Variants in RAPGEF6 observed in about 807,000 individuals in gnomAD.
RAPGEF6 encodes the protein Rap guanine nucleotide exchange factor 6, also known as PDZ domain containing guanine nucleotide exchange factor (GEF) 2.
A neutral mutation model predicts 171.4 loss-of-function variants in RAPGEF6; 56 were observed. The observed-to-expected ratio is 0.33, with a 90% confidence interval of 0.26 to 0.41. RAPGEF6 has a LOEUF of 0.41. RAPGEF6 is among the 10% of genes least tolerant of loss of function. The pLI is 1.00. For missense variants in RAPGEF6, 1,674 were observed against 1,921.4 expected (o/e 0.87, Z 2.41); for synonymous variants, 692 against 650.1 (o/e 1.06, Z -0.98).
chr5:131,432,550 G>A (rs1447914988), intron 25 of RAPGEF6, among the ~76,000 whole-genome samples: 7 of 152,084 alleles, frequency 4.6e-5, no homozygotes, highest in Admixed American at 1.3e-4. Flanking sequence ...CCCAGGAGGC[G>A]GAGCTTGCAG....
At chr5:131,522,844 G>A (rs1758591455) in intron 6 of RAPGEF6, among the ~76,000 whole-genome samples, 1 of 152,156 alleles carries the variant, frequency 6.6e-6, no homozygotes, top group South Asian at 2.1e-4. Flanking sequence ...ACCCTGGAGA[G>A]TAAATTAGAC....
chr5:131,447,453 A>T (rs2149817529), intron 21 of RAPGEF6: 1 of 152,284 alleles, frequency 6.6e-6, no homozygotes, highest in East Asian at 1.9e-4. Flanking sequence ...CCACAATTCA[A>T]ACAAACTACA....
chr5:131,620,356 T>A (rs1765526770), intron 1 of RAPGEF6, among the ~76,000 whole-genome samples: 1 of 152,240 alleles, frequency 6.6e-6, no homozygotes, highest in African/African-American at 2.4e-5. Context: ...CTATATGTTC[T>A]ACTGGACACT....
chr5:131,584,815 T>A (rs1763151075), intron 4 of RAPGEF6, among the ~76,000 whole-genome samples: 1 of 152,182 alleles, frequency 6.6e-6, no homozygotes. Context: ...TTGGGAGAGA[T>A]GAATTTGAGT....
At chr5:131,577,533 C>T (rs1216484269) in intron 4 of RAPGEF6, among the ~76,000 whole-genome samples, 1 of 152,156 alleles carries the variant, frequency 6.6e-6, no homozygotes, top group Non-Finnish European at 1.5e-5. Context: ...ACAGGAAATT[C>T]GCCAGGCTGC....
At chr5:131,494,776 G>C (rs1756515749) in intron 13 of RAPGEF6, among the ~76,000 whole-genome samples, 3 of 46,662 alleles carry the variant, frequency 6.4e-5, no homozygotes, top group Non-Finnish European at 1.5e-4. Flanking sequence ...TAATAGATCA[G>C]ATATATTAAG....
intron 6 of RAPGEF6, among the ~76,000 whole-genome samples, chr5:131,547,803 C>T (rs1415174949): frequency 6.6e-6 from 1 of 151,894 alleles, no homozygotes; most frequent in African/African-American, 2.4e-5. Flanking sequence ...CCCACTGCAC[C>T]CAGCCTAATA....
Position 131,464,183 on chromosome 5 carries a change from C to A in RAPGEF6, c.2338G>T (p.Ala780Ser). The A allele has an allele frequency of 6.2e-7, 1 of 1,613,888 alleles. No homozygotes were observed. The highest frequency in any genetic ancestry group is 8.5e-7 in the Non-Finnish European group (1 of 1,179,862). ...CCGGTCAAACCAAATTCATGAACAG[C>A]ATGAAAAACTACTTCTTTAGCTGTG... ...DTTAKEVVFH[A>S]VHEFGLTGAS... Residue 780 changes from alanine (A) to serine (S), a missense_variant, in exon 18 of 28, where the codon GCT becomes TCT. Physicochemically the swap from Ala to Ser is moderately conservative, Grantham distance 99. Coordinates refer to ENST00000509018, the MANE Select transcript of RAPGEF6 (RefSeq NM_016340.6).
At chr5:131,489,522 G>A (rs1231390648) in intron 15 of RAPGEF6, 24 bp downstream of exon 15, 4 of 1,368,874 alleles carry the variant, frequency 2.9e-6, no homozygotes, top group Non-Finnish European at 2.0e-6. Context: ...AAAGAGTTCA[G>A]GCAATTTTTA....
intron 6 of RAPGEF6, among the ~76,000 whole-genome samples, chr5:131,536,197 G>A (rs1759759928): frequency 6.6e-6 from 1 of 152,212 alleles, no homozygotes; most frequent in Admixed American, 6.5e-5. Flanking sequence ...GATTTACATA[G>A]TGAAAACACT....
intron 4 of RAPGEF6, among the ~76,000 whole-genome samples, chr5:131,582,297 C>A (rs1407508696): frequency 1.3e-5 from 2 of 152,158 alleles, no homozygotes; most frequent in African/African-American, 4.8e-5. Context: ...CACAAATACA[C>A]TGTCAATTAA....
At chr5:131,512,362 A>ATT (rs757817969) in intron 7 of RAPGEF6, among the ~76,000 whole-genome samples, 2 of 86,602 alleles carry the variant, frequency 2.3e-5, no homozygotes, top group African/African-American at 9.9e-5. Flanking sequence ...TTGGCTTTAC[A>ATT]TTTTTTTTCT....
intron 15 of RAPGEF6, among the ~76,000 whole-genome samples, chr5:131,483,105 T>C (rs1410865074): frequency 2.0e-5 from 3 of 152,126 alleles, no homozygotes; most frequent in South Asian, 4.2e-4. Flanking sequence ...TCCTAGCACT[T>C]TGGGAGGCTG....
chr5:131,622,562 T>G (rs974733308), intron 1 of RAPGEF6, among the ~76,000 whole-genome samples: 8 of 152,224 alleles, frequency 5.3e-5, no homozygotes, highest in Non-Finnish European at 1.0e-4. Context: ...GCCTCAAACA[T>G]GTGTTGCTTA....
chr5:131,616,446 C>A (rs1407381034), intron 1 of RAPGEF6, among the ~76,000 whole-genome samples: 2 of 152,102 alleles, frequency 1.3e-5, no homozygotes, highest in Non-Finnish European at 2.9e-5. Flanking sequence ...AATGTTATGC[C>A]AAGCAACTGT....
chr5:131,512,718 T>C (rs141631811), intron 7 of RAPGEF6, among the ~76,000 whole-genome samples: 1 of 152,246 alleles, frequency 6.6e-6, no homozygotes, highest in Middle Eastern at 3.4e-3. Context: ...AATTCTTATT[T>C]TGAGTGATGG....
intron 4 of RAPGEF6, among the ~76,000 whole-genome samples, chr5:131,563,432 A>G (rs1761732478): frequency 6.6e-6 from 1 of 152,204 alleles, no homozygotes; most frequent in South Asian, 2.1e-4. Flanking sequence ...GGTTCTATAC[A>G]AATAACAGTT....
chr5:131,513,975 CCGAGAT>C (rs1757911463), intron 7 of RAPGEF6, among the ~76,000 whole-genome samples: 1 of 152,124 alleles, frequency 6.6e-6, no homozygotes, highest in Non-Finnish European at 1.5e-5. Context: ...CTGCAGTGAG[CCGAGAT>C]CTTGCTGCTG....
intron 4 of RAPGEF6, among the ~76,000 whole-genome samples, chr5:131,564,541 A>G (rs988614884): frequency 6.6e-5 from 10 of 152,236 alleles, no homozygotes; most frequent in African/African-American, 2.2e-4. Context: ...ACAAAACCCA[A>G]TACCACCTAA....
Sources: gnomAD v4.1 joint callset for allele counts (sites outside exome capture counted in the v4.1 genomes callset) on GRCh38, gnomAD v4.1.1 for gene constraint, MANE v1.5 for transcripts, NCBI Gene and HGNC (gene_info 2026-07-23, HGNC 2026-07-21) for gene names.